The following UNC13C variants were observed in gnomAD, a reference collection of about 807,000 sequenced individuals.
UNC13C encodes unc-13 homolog C, also known as protein unc-13 homolog C.
In UNC13C, 174 loss-of-function variants were observed where a neutral mutation model predicts 245.4. The ratio of observed to expected loss-of-function variants is 0.71; its 90% confidence interval spans 0.63 to 0.80. The LOEUF is 0.80. Among genes scored for constraint, UNC13C ranks in the 30% least tolerant of loss-of-function variants. The probability of loss-of-function intolerance (pLI) is 0.00; values close to 1 mark genes in which losing one functional copy is unlikely to be tolerated. For missense variants in UNC13C, 2,829 were observed against 2,602.9 expected (o/e 1.09, Z -1.89); for synonymous variants, 992 against 895.1 (o/e 1.11, Z -1.93).
At chr15:53,897,434 A>G in the UNC13C span, among the ~76,000 whole-genome samples, 1 of 152,158 alleles carries the variant, frequency 6.6e-6, no homozygotes. Context: ...TTATACATAC[A>G]TTTATTTTAT....
chr15:54,049,314 A>G, intron 2 of UNC13C: 1 of 521,160 alleles, frequency 1.9e-6, no homozygotes, highest in Non-Finnish European at 3.8e-6. Context: ...AGGGCCCTTC[A>G]TATGAATATA....
At chr15:54,468,839 T>C (rs1172928801) in intron 19 of UNC13C, among the ~76,000 whole-genome samples, 1 of 151,658 alleles carries the variant, frequency 6.6e-6, no homozygotes, top group East Asian at 1.9e-4. Context: ...ATGCACTTGG[T>C]TTATTATAGC....
chr15:54,491,773 C>T (rs1176991824), intron 19 of UNC13C, among the ~76,000 whole-genome samples: 3 of 151,894 alleles, frequency 2.0e-5, no homozygotes, highest in Non-Finnish European at 4.4e-5. Flanking sequence ...GAGGCCGAGG[C>T]GGGGGGATCA....
chr15:53,919,369 T>A, the UNC13C span, among the ~76,000 whole-genome samples: 1 of 152,200 alleles, frequency 6.6e-6, no homozygotes. Flanking sequence ...AACTTACTTG[T>A]CCTAGGTGAC....
chr15:54,096,811 G>T (rs1899891910), intron 2 of UNC13C, among the ~76,000 whole-genome samples: 1 of 152,016 alleles, frequency 6.6e-6, no homozygotes, highest in Non-Finnish European at 1.5e-5. Context: ...AAAATAAAAA[G>T]AAAAATTTGC....
chr15:53,879,253 C>T, the UNC13C span, among the ~76,000 whole-genome samples: 60,847 of 151,844 alleles, frequency 0.4, 12,552 homozygotes, highest in Middle Eastern at 0.51. Context: ...CTTTGACCCC[C>T]AGGGCTCAAG....
intron 2 of UNC13C, among the ~76,000 whole-genome samples, chr15:54,053,720 T>C (rs141961446): frequency 2.4e-4 from 37 of 152,288 alleles, no homozygotes; most frequent in African/African-American, 8.7e-4. Flanking sequence ...TGCTATCAAA[T>C]ACTAGATCTT....
At chr15:54,608,234 CAA>C (rs1050417392) in intron 30 of UNC13C, among the ~76,000 whole-genome samples, 1 of 151,980 alleles carries the variant, frequency 6.6e-6, no homozygotes, top group African/African-American at 2.4e-5. Context: ...CAAATAAAAA[CAA>C]AAAGACGTAA....
chr15:53,961,297 C>T, the UNC13C span, among the ~76,000 whole-genome samples: 1 of 152,356 alleles, frequency 6.6e-6, no homozygotes, highest in African/African-American at 2.4e-5. Flanking sequence ...TGCTGGGGGA[C>T]TCTGCTGGGG....
chr15:54,101,241 G>A (rs1055493158), intron 2 of UNC13C, among the ~76,000 whole-genome samples: 26 of 151,642 alleles, frequency 1.7e-4, no homozygotes, highest in Non-Finnish European at 3.1e-4. Context: ...TTATTTGGCT[G>A]GTAGCACAGA....
chr15:54,466,559 T>A (rs1291883753), intron 19 of UNC13C, among the ~76,000 whole-genome samples: 1 of 151,962 alleles, frequency 6.6e-6, no homozygotes, highest in Non-Finnish European at 1.5e-5. Context: ...TGAATTTGCC[T>A]GTGGAAGTAA....
At position 54,300,301 on chromosome 15, in the gene UNC13C, A is replaced by T. The variant is rs776465926; in HGVS notation, c.4196A>T (p.Asp1399Val). ...KGDEAWKVFF[D>V]DASQEIVDEF... Reference sequence around the variant, plus strand: ...GATGAAGCCTGGAAGGTTTTCTTTGATGATGCTTCCCAAGAAATAGTTGAT... The same window carrying T: ...GATGAAGCCTGGAAGGTTTTCTTTGTTGATGCTTCCCAAGAAATAGTTGAT... The change falls in exon 13 of 33, where the codon GAT (aspartate) becomes GTT (valine). Residue 1399 changes from aspartate (D) to valine (V), a missense_variant. Coordinates refer to ENST00000260323, the MANE Select transcript of UNC13C (RefSeq NM_001080534.3). 5 of 1,590,122 alleles carry T rather than the reference A, an allele frequency of 3.1e-6. No individual in the cohort carries two copies. In the African/African-American group the frequency reaches 6.7e-5, roughly 21 times the overall value.
At chr15:54,511,345 G>A (rs1372782431) in intron 23 of UNC13C, among the ~76,000 whole-genome samples, 1 of 151,798 alleles carries the variant, frequency 6.6e-6, no homozygotes, top group Non-Finnish European at 1.5e-5. Flanking sequence ...TTTTTAAAAT[G>A]TTTTTGCATT....
intron 4 of UNC13C, among the ~76,000 whole-genome samples, chr15:54,149,540 T>C (rs2032426792): frequency 6.6e-6 from 1 of 152,216 alleles, no homozygotes; most frequent in African/African-American, 2.4e-5. Context: ...TAGTCCTCAG[T>C]ACCTTTTACT....
At chr15:54,585,000 T>A (rs1241095769) in intron 30 of UNC13C, among the ~76,000 whole-genome samples, 1 of 152,224 alleles carries the variant, frequency 6.6e-6, no homozygotes, top group African/African-American at 2.4e-5. Flanking sequence ...AATTTTGGCC[T>A]ATACTTTTGA....
At chr15:53,937,423 A>G in the UNC13C span, among the ~76,000 whole-genome samples, 15 of 152,318 alleles carry the variant, frequency 9.8e-5, no homozygotes, top group South Asian at 2.3e-3. Context: ...GGTACATGAA[A>G]GAGATGGAGA....
intron 18 of UNC13C, among the ~76,000 whole-genome samples, chr15:54,394,124 A>G (rs1042898167): frequency 6.6e-6 from 1 of 151,902 alleles, no homozygotes; most frequent in African/African-American, 2.4e-5. Flanking sequence ...CAAGACCGTT[A>G]GGGTCATTGT....
chr15:54,586,926 A>G (rs1374566019), intron 30 of UNC13C, among the ~76,000 whole-genome samples: 1 of 152,210 alleles, frequency 6.6e-6, no homozygotes, highest in Non-Finnish European at 1.5e-5. Context: ...TCAATGATAT[A>G]ACTAAGCTGT....
chr15:54,292,015 A>G (rs1464492500), intron 10 of UNC13C, among the ~76,000 whole-genome samples: 1 of 151,976 alleles, frequency 6.6e-6, no homozygotes, highest in African/African-American at 2.4e-5. Context: ...TCAAATGCAC[A>G]CTGATACAAA....
Sources: gnomAD v4.1 joint callset for allele counts (sites outside exome capture counted in the v4.1 genomes callset) on GRCh38, gnomAD v4.1.1 for gene constraint, MANE v1.5 for transcripts, NCBI Gene and HGNC (gene_info 2026-07-23, HGNC 2026-07-21) for gene names.